The following SCG3 variants were observed in gnomAD, a reference collection of about 807,000 sequenced individuals.
The protein encoded by SCG3 is secretogranin-3.
In SCG3, 38 loss-of-function variants were observed where a neutral mutation model predicts 56.2. The observed-to-expected ratio is 0.68, with a 90% CI of 0.52 to 0.89. The LOEUF (loss-of-function observed/expected upper bound fraction) is 0.89, where lower values mean the gene tolerates loss of function less well. Ranked by LOEUF, SCG3 falls within the 40% of genes least tolerant of loss-of-function variation. The pLI, the probability that SCG3 is intolerant of heterozygous loss-of-function variation, is 0.00. For synonymous variants in SCG3, 176 were observed against 184.2 expected (o/e 0.96, Z 0.36); for missense variants, 524 against 540.7 (o/e 0.97, Z 0.31).
chr15:51,683,277 A>G lies in SCG3; in HGVS notation c.240A>G (p.Ala80=), dbSNP rs2055206704. The G allele has an allele frequency of 6.2e-7, 1 of 1,613,978 alleles. No homozygotes were observed. Among genetic ancestry groups the G allele is most frequent in the East Asian group, 2.2e-5 (1 of 44,838 alleles). The change falls in exon 4 of 12, where the codon GCA becomes GCG. Residue 80 remains alanine (A), a synonymous_variant. Transcript: ENST00000220478. ...SFVDNLNLLK[A]ITEKEKIEKE... ...TTGATAACTTGAACCTGCTAAAGGCAATAACAGAAAAGGAAAAAATTGAGA... is the reference window on the plus strand; with the variant it reads ...TTGATAACTTGAACCTGCTAAAGGCGATAACAGAAAAGGAAAAAATTGAGA...
intron 10 of SCG3, among the ~76,000 whole-genome samples, chr15:51,701,558 G>A (rs1241049330): frequency 6.6e-6 from 1 of 152,078 alleles, no homozygotes; most frequent in Non-Finnish European, 1.5e-5. Flanking sequence ...TGAATTTATT[G>A]AGCAATATTT....
At chr15:51,702,566 G>A (rs564254448) in intron 10 of SCG3, among the ~76,000 whole-genome samples, 6 of 152,120 alleles carry the variant, frequency 3.9e-5, no homozygotes, top group African/African-American at 1.4e-4. Context: ...CATCTTCCTA[G>A]GATTTTAGAA....
intron 6 of SCG3, among the ~76,000 whole-genome samples, 190 bp downstream of exon 6, chr15:51,689,558 G>A (rs558397312): frequency 3.3e-5 from 5 of 152,208 alleles, no homozygotes; most frequent in Admixed American, 3.3e-4. Flanking sequence ...CACTTTGAGA[G>A]GCTGAGGTGG....
intron 10 of SCG3, among the ~76,000 whole-genome samples, chr15:51,712,777 T>C (rs1311280922): frequency 6.6e-6 from 1 of 152,210 alleles, no homozygotes; most frequent in Non-Finnish European, 1.5e-5. Context: ...AGGTTTGCCA[T>C]CCAAACCTTG....
intron 11 of SCG3, among the ~76,000 whole-genome samples, chr15:51,717,870 G>T (rs2055468390): frequency 6.6e-6 from 1 of 152,200 alleles, no homozygotes; most frequent in Non-Finnish European, 1.5e-5. Context: ...TGGACAAAAA[G>T]GACATGGTCT....
intron 10 of SCG3, among the ~76,000 whole-genome samples, chr15:51,702,726 A>G (rs944219055): frequency 3.9e-5 from 6 of 152,212 alleles, no homozygotes; most frequent in Non-Finnish European, 8.8e-5. Flanking sequence ...TACATCATGG[A>G]AATTTACATC....
intron 10 of SCG3, among the ~76,000 whole-genome samples, chr15:51,707,378 C>T (rs925709251): frequency 1.3e-5 from 2 of 152,150 alleles, no homozygotes; most frequent in African/African-American, 2.4e-5. Flanking sequence ...AGAGAATTCA[C>T]GCCTGCCTTC....
At chr15:51,693,534 A>T (rs185920577) in intron 7 of SCG3, 8 of 152,216 alleles carry the variant, frequency 5.3e-5, no homozygotes, top group Non-Finnish European at 8.8e-5. Flanking sequence ...TATTTTGGTT[A>T]ATCTGCAAGG....
chr15:51,714,002 C>G (rs1369238121), intron 11 of SCG3, among the ~76,000 whole-genome samples: 2 of 152,094 alleles, frequency 1.3e-5, no homozygotes, highest in Admixed American at 6.5e-5. Flanking sequence ...AGGACAGAGA[C>G]AGTTGAGAGA....
chr15:51,707,537 C>A (rs1160076570), intron 10 of SCG3, among the ~76,000 whole-genome samples: 1 of 152,168 alleles, frequency 6.6e-6, no homozygotes, highest in Non-Finnish European at 1.5e-5. Context: ...AGGGGAATTT[C>A]TTTCTTATGT....
rs372249889 is a variant in SCG3 at position 51,707,365 on chromosome 15, A to G, written c.1208-5968A>G. On this transcript the variant is annotated intron_variant, in intron 10 of 11. Transcript: ENST00000220478. ...TGGATACACTTATTTTTTAAGCAAC[A>G]TAAGAGAATTCACGCCTGCCTTCAA... Among the ~76,000 whole-genome samples, 5 of 152,336 alleles carry G rather than the reference A, an allele frequency of 3.3e-5. No individual in the cohort carries two copies. In the East Asian group the frequency reaches 7.7e-4, roughly 23 times the overall value.
intron 8 of SCG3, among the ~76,000 whole-genome samples, chr15:51,697,547 T>C (rs2055311873): frequency 6.6e-6 from 1 of 152,250 alleles, no homozygotes; most frequent in Admixed American, 6.5e-5. Flanking sequence ...AGCTACCATA[T>C]GAACAGTGCA....
intron 11 of SCG3, among the ~76,000 whole-genome samples, chr15:51,716,774 C>G (rs2055459077): frequency 6.6e-6 from 1 of 152,264 alleles, no homozygotes; most frequent in Non-Finnish European, 1.5e-5. Flanking sequence ...AATTCCAACA[C>G]TATCTACTTA....
At chr15:51,684,961 C>G (rs2055218891) in intron 4 of SCG3, among the ~76,000 whole-genome samples, 1 of 152,184 alleles carries the variant, frequency 6.6e-6, no homozygotes, top group Admixed American at 6.5e-5. Context: ...TTTTTGAGAA[C>G]CAGTGCTTAG....
rs555096648 is a variant in SCG3, at chr15:51,689,317, T to A, written c.639T>A (p.Asn213Lys). ...CCAACAATTATGAGGAGGATCCCAATAAGCCCACAAGCTGGACTGAGAATC... is the reference window on the plus strand; with the variant it reads ...CCAACAATTATGAGGAGGATCCCAAAAAGCCCACAAGCTGGACTGAGAATC... Reference protein sequence around the residue: ...KEANNYEEDPNKPTSWTENQA... With the variant: ...KEANNYEEDPKKPTSWTENQA... Residue 213 changes from asparagine to lysine, a missense_variant, in exon 6 of 12, where the codon AAT becomes AAA. Asn to Lys is a moderately conservative substitution (Grantham distance 94). Coordinates refer to ENST00000220478, the MANE Select transcript of SCG3 (RefSeq NM_013243.4). The A allele has an allele frequency of 1.4e-5, 23 of 1,613,856 alleles. No individual in the cohort carries two copies. The South Asian group carries it at 2.4e-4, about 17-fold the overall frequency.
At chr15:51,705,885 T>C (rs752899823) in intron 10 of SCG3, among the ~76,000 whole-genome samples, 6 of 152,160 alleles carry the variant, frequency 3.9e-5, no homozygotes, top group Non-Finnish European at 7.4e-5. Context: ...GAATTTGGGG[T>C]TAAAATTAGT....
At chr15:51,708,626 A>C (rs2055390956) in intron 10 of SCG3, among the ~76,000 whole-genome samples, 1 of 152,090 alleles carries the variant, frequency 6.6e-6, no homozygotes, top group African/African-American at 2.4e-5. Context: ...GTGGCCGAGG[A>C]GGGCAGATCA....
chr15:51,704,766 T>TATATATATATATATATATAG (rs2055363516), intron 10 of SCG3, among the ~76,000 whole-genome samples: 1 of 99,936 alleles, frequency 1.0e-5, no homozygotes, highest in Non-Finnish European at 1.9e-5. Flanking sequence ...GAGTAATACA[T>TATATATATATATATATATAG]ATATATATAT....
At position 51,692,287 on chromosome 15, in the gene SCG3, A is replaced by G. The variant is rs1239361293; in HGVS notation, c.819A>G (p.Glu273=). 2.2e-5 allele frequency: 35 copies of G among 1,613,980 alleles called. No individual in the cohort carries two copies. Among genetic ancestry groups the G allele is most frequent in the Non-Finnish European group, 2.9e-5 (34 of 1,179,950 alleles). The change falls in exon 7 of 12, where the codon GAA becomes GAG. Residue 273 remains glutamate, a synonymous_variant. Transcript: ENST00000220478. ...CCTACAGTGAAGACAACTTTGAGGAACTCCAATATTTCCCAAATTTCTATG... is the reference window on the plus strand; with the variant it reads ...CCTACAGTGAAGACAACTTTGAGGAGCTCCAATATTTCCCAAATTTCTATG... ...TKTYSEDNFE[E]LQYFPNFYAL...
Sources: allele counts gnomAD v4.1 joint callset (sites outside exome capture counted in the v4.1 genomes callset), GRCh38; gene constraint gnomAD v4.1.1; transcripts MANE v1.5; gene names NCBI Gene and HGNC (gene_info 2026-07-23, HGNC 2026-07-21).